The following SPPL3 variants were observed in gnomAD, a reference collection of about 807,000 sequenced individuals.
SPPL3 encodes signal peptide peptidase like 3, also known as signal peptide peptidase-like 3.
A neutral mutation model predicts 42.4 loss-of-function variants in SPPL3; 5 were observed. The ratio of observed to expected loss-of-function variants is 0.12; its 90% CI spans 0.06 to 0.25. The LOEUF (loss-of-function observed/expected upper bound fraction) is 0.25. Ranked by LOEUF, SPPL3 falls within the 10% of genes least tolerant of loss-of-function variation. The probability of loss-of-function intolerance (pLI) is 1.00; values close to 1 mark genes in which losing one functional copy is unlikely to be tolerated. For synonymous variants in SPPL3, 195 were observed against 181.8 expected, an observed-to-expected ratio of 1.07 and a Z score of -0.58; for missense variants, 235 against 489.0, an observed-to-expected ratio of 0.48 and a Z score of 4.90.
intron 1 of SPPL3, among the ~76,000 whole-genome samples, chr12:120,863,271 C>T (rs989971701): frequency 2.6e-5 from 4 of 151,982 alleles, no homozygotes; most frequent in African/African-American, 9.7e-5. Context: ...TCACTTGAAC[C>T]CAGGAGGCAG....
At chr12:120,802,789 A>G (rs1216487897) in intron 2 of SPPL3, among the ~76,000 whole-genome samples, 1 of 152,158 alleles carries the variant, frequency 6.6e-6, no homozygotes, top group East Asian at 1.9e-4. Flanking sequence ...TTTAAGAATT[A>G]ACAGCCCATT....
intron 1 of SPPL3, chr12:120,902,064 T>C (rs1873999581): frequency 4.4e-6 from 1 of 227,964 alleles, no homozygotes; most frequent in Non-Finnish European, 7.3e-6. Flanking sequence ...CAGAAACACC[T>C]TTACCTTCAT....
chr12:120,875,134 G>A (rs940269003), intron 1 of SPPL3, among the ~76,000 whole-genome samples: 4 of 152,192 alleles, frequency 2.6e-5, no homozygotes, highest in Non-Finnish European at 4.4e-5. Flanking sequence ...GCATCATGAA[G>A]CAAAGACAGA....
At chr12:120,775,148 TTTTA>T (rs1408464539) in intron 6 of SPPL3, among the ~76,000 whole-genome samples, 2 of 151,926 alleles carry the variant, frequency 1.3e-5, no homozygotes, top group African/African-American at 4.8e-5. Context: ...GAGTGTAGCA[TTTTA>T]TTTATTTATT....
chr12:120,781,462 ATATAACATGT>A (rs1303237147), intron 6 of SPPL3, among the ~76,000 whole-genome samples: 2 of 148,966 alleles, frequency 1.3e-5, no homozygotes, highest in Admixed American at 1.3e-4. Context: ...TGCAGGTTAT[ATATAACATGT>A]TATATTACAT....
rs552162922 is a variant in SPPL3 at position 120,903,570 on chromosome 12, C to A, written c.23+275G>T. 194 of 436,030 alleles carry A rather than the reference C, an allele frequency of 4.4e-4. 1 individual carries two copies. The Middle Eastern group carries it at 5.7e-3, about 13-fold the overall frequency. The allele number at this position is 436,030 out of a possible 1,614,324, so 27.0% of individuals were successfully genotyped here. A position where few individuals can be genotyped will look rare whatever the true frequency, so the allele number is the denominator to read the frequency against. ...GGATTCCCACCCCCGGGGTCATGCTCCCCTTCTCCATCACCTGCTCCGCCC... is the reference window on the plus strand; with the variant it reads ...GGATTCCCACCCCCGGGGTCATGCTACCCTTCTCCATCACCTGCTCCGCCC... On this transcript the variant is annotated intron_variant, in intron 1 of 10. Transcript: ENST00000353487.
intron 1 of SPPL3, among the ~76,000 whole-genome samples, chr12:120,829,712 AGGCTGGGTGTGGT>A (rs946970276): frequency 1.3e-5 from 2 of 151,356 alleles, no homozygotes; most frequent in Non-Finnish European, 2.9e-5. Context: ...TAAAGAACTG[AGGCTGGGTGTGGT>A]GGCTCACACC....
intron 1 of SPPL3, among the ~76,000 whole-genome samples, chr12:120,895,761 C>A (rs1272155570): frequency 2.0e-5 from 3 of 152,196 alleles, no homozygotes; most frequent in Non-Finnish European, 2.9e-5. Flanking sequence ...CTCACAACGA[C>A]CCTGTGGAGT....
intron 1 of SPPL3, among the ~76,000 whole-genome samples, chr12:120,848,003 G>A (rs1339672829): frequency 6.6e-6 from 1 of 152,074 alleles, no homozygotes. Context: ...GGGAAGTAAG[G>A]CATTATGTAA....
intron 1 of SPPL3, chr12:120,845,085 G>A (rs1871973794): frequency 2.8e-6 from 1 of 362,180 alleles, no homozygotes; most frequent in African/African-American, 2.2e-5. Context: ...AGGGCAAGAG[G>A]AGTGAGAGGG....
rs57779322 is a variant in SPPL3 at position 120,778,111 on chromosome 12, A to ATTT, written c.502+4541_502+4543dup. ...TTATTTCCAAAATGACTGAAAAGCA[A>ATTT]TTTTTTTTTTTTTTTTTTTTTTTGA... On this transcript the variant is annotated intron_variant, in intron 6 of 10. Transcript: ENST00000353487. Among the ~76,000 whole-genome samples, 795 of 90,888 alleles carry ATTT rather than the reference A, an allele frequency of 8.7e-3. 57 individuals are homozygous for ATTT. Among genetic ancestry groups the ATTT allele is most frequent in the African/African-American group, 0.026 (601 of 22,962 alleles). The allele number at this position is 90,888 out of a possible 152,430, so 59.6% of individuals were successfully genotyped here.
At chr12:120,902,893 C>T (rs895702487) in intron 1 of SPPL3, among the ~76,000 whole-genome samples, 9 of 152,136 alleles carry the variant, frequency 5.9e-5, no homozygotes, top group Non-Finnish European at 1.0e-4. Context: ...TCCTTCAACC[C>T]GTCCTGCAAA....
chr12:120,892,598 T>C (rs1873675038), intron 1 of SPPL3, among the ~76,000 whole-genome samples: 2 of 152,178 alleles, frequency 1.3e-5, no homozygotes, highest in South Asian at 4.1e-4. Context: ...AGCAGGGTTA[T>C]AAGACCAGAT....
intron 1 of SPPL3, 124 bp from the exon 2 acceptor site, chr12:120,811,010 T>C: frequency 1.7e-6 from 1 of 572,442 alleles, no homozygotes; most frequent in Non-Finnish European, 3.0e-6. Flanking sequence ...AAAAAAGGTA[T>C]AAATTAGCAT....
At chr12:120,852,137 A>G (rs1419781914) in intron 1 of SPPL3, among the ~76,000 whole-genome samples, 2 of 151,962 alleles carry the variant, frequency 1.3e-5, no homozygotes, top group Non-Finnish European at 2.9e-5. Context: ...CGCTCCTCAC[A>G]TTACTGCTTG....
At chr12:120,786,802 T>C (rs762237617) in intron 3 of SPPL3, among the ~76,000 whole-genome samples, 2 of 152,082 alleles carry the variant, frequency 1.3e-5, no homozygotes, top group African/African-American at 4.8e-5. Context: ...AGGTCTTGAA[T>C]GGGAAAGAAA....
chr12:120,847,215 C>T (rs934721611), intron 1 of SPPL3, among the ~76,000 whole-genome samples: 1 of 152,038 alleles, frequency 6.6e-6, no homozygotes, highest in Non-Finnish European at 1.5e-5. Flanking sequence ...AATTTCAACA[C>T]TAATTAGAGA....
At chr12:120,880,116 G>C (rs1217446479) in intron 1 of SPPL3, among the ~76,000 whole-genome samples, 1 of 150,764 alleles carries the variant, frequency 6.6e-6, no homozygotes, top group African/African-American at 2.4e-5. Flanking sequence ...CAGGCTACTG[G>C]AGGACAGGAT....
chr12:120,827,675 A>C (rs1472693615), intron 1 of SPPL3, among the ~76,000 whole-genome samples: 1 of 152,206 alleles, frequency 6.6e-6, no homozygotes, highest in Non-Finnish European at 1.5e-5. Context: ...TGTGCCCCCC[A>C]GCCTCAGCTG....
Sources: gnomAD v4.1 joint callset for allele counts (sites outside exome capture counted in the v4.1 genomes callset) on GRCh38, gnomAD v4.1.1 for gene constraint, MANE v1.5 for transcripts, NCBI Gene and HGNC (gene_info 2026-07-23, HGNC 2026-07-21) for gene names.